The following TBC1D8 variants were observed in gnomAD, a reference collection of about 807,000 sequenced individuals.
The protein encoded by TBC1D8 is BUB2-like protein 1.
In TBC1D8, 65 loss-of-function variants were observed where a neutral mutation model predicts 118.8. The observed-to-expected ratio is 0.55, with a 90% confidence interval of 0.45 to 0.67. TBC1D8 has a LOEUF of 0.67. Among genes scored for constraint, TBC1D8 ranks in the 30% least tolerant of loss-of-function variants. The pLI is 0.00. For synonymous variants in TBC1D8, 566 were observed against 595.8 expected, an observed-to-expected ratio of 0.95 and a Z score of 0.73; for missense variants, 1,376 against 1,471.2, an observed-to-expected ratio of 0.94 and a Z score of 1.06.
chr2:101,091,262 G>A (rs954987018), intron 1 of TBC1D8, among the ~76,000 whole-genome samples: 23 of 152,148 alleles, frequency 1.5e-4, no homozygotes, highest in African/African-American at 5.1e-4. Flanking sequence ...TCCAGCCTGG[G>A]CAACAAGAGC....
intron 1 of TBC1D8, among the ~76,000 whole-genome samples, chr2:101,108,968 C>T (rs1677406080): frequency 6.6e-6 from 1 of 152,076 alleles, no homozygotes; most frequent in Non-Finnish European, 1.5e-5. Context: ...ATACCAGAAC[C>T]CTCTGTACTG....
At chr2:101,062,305 GAA>G (rs372972020) in intron 2 of TBC1D8, among the ~76,000 whole-genome samples, 2 of 139,972 alleles carry the variant, frequency 1.4e-5, no homozygotes. Context: ...TCAGAATAAA[GAA>G]AAAAAAAAAA....
At chr2:101,032,154 C>A in intron 11 of TBC1D8, 114 bp downstream of exon 11, 3 of 959,708 alleles carry the variant, frequency 3.1e-6, no homozygotes, top group South Asian at 3.2e-5. Flanking sequence ...TGTTTGCAAA[C>A]AGACTAGCTG....
chr2:101,027,216 C>G (rs762441062), intron 15 of TBC1D8, among the ~76,000 whole-genome samples, 167 bp downstream of exon 15: 4 of 152,164 alleles, frequency 2.6e-5, no homozygotes, highest in Non-Finnish European at 5.9e-5. Flanking sequence ...AGAGAGGTTT[C>G]TGGGTAGAAG....
chr2:101,105,023 C>G (rs1677106332), intron 1 of TBC1D8, among the ~76,000 whole-genome samples: 2 of 85,422 alleles, frequency 2.3e-5, no homozygotes, highest in East Asian at 5.6e-4. Context: ...AAAACTCTAT[C>G]TCAAAAAAAA....
intron 1 of TBC1D8, among the ~76,000 whole-genome samples, chr2:101,102,768 C>T (rs12619608): frequency 0.13 from 19,825 of 151,642 alleles, 1,627 homozygotes; most frequent in East Asian, 0.27. Flanking sequence ...ACAGGCCAGG[C>T]ACAATGGCTC....
chr2:101,109,965 T>C (rs6709184), intron 1 of TBC1D8: 748,373 of 985,398 alleles, frequency 0.76, 285,188 homozygotes, highest in East Asian at 0.92. Flanking sequence ...CCTGCTTTCC[T>C]TTCCGCAGCA....
chr2:101,044,345 G>A (rs1681570575), intron 5 of TBC1D8, among the ~76,000 whole-genome samples: 1 of 152,194 alleles, frequency 6.6e-6, no homozygotes, highest in African/African-American at 2.4e-5. Context: ...GAAAAAATGA[G>A]AAATCCTCGA....
chr2:101,123,184 C>T lies in TBC1D8; in HGVS notation c.127+27943G>A, dbSNP rs184066801. ...CCTAGGAATTCCAGTCCACAGTGAGCTATGGTCACCACTGCACTCCAGCCT... is the reference window on the plus strand; with the variant it reads ...CCTAGGAATTCCAGTCCACAGTGAGTTATGGTCACCACTGCACTCCAGCCT... On this transcript the variant is annotated intron_variant, in intron 1 of 19. Transcript: ENST00000409318. Among the ~76,000 whole-genome samples, 3 of 152,224 alleles carry T rather than the reference C, an allele frequency of 2.0e-5. No homozygotes were observed. The East Asian group carries it at 5.8e-4, about 29-fold the overall frequency.
intron 15 of TBC1D8, chr2:101,024,180 A>C (rs1680203188): frequency 6.6e-6 from 1 of 152,244 alleles, no homozygotes; most frequent in African/African-American, 2.4e-5. Context: ...ACCACTATAA[A>C]AATAGGCAAA....
rs1041558628 is a variant in TBC1D8 at position 101,146,840 on chromosome 2, A to G, written c.127+4287T>C. 3.9e-5 allele frequency among the ~76,000 whole-genome samples: 6 copies of G among 152,186 alleles called. No homozygotes were observed. In the East Asian group the frequency reaches 9.6e-4, roughly 24 times the overall value. On this transcript the variant is annotated intron_variant, in intron 1 of 19. Coordinates refer to ENST00000409318, the MANE Select transcript of TBC1D8 (RefSeq NM_001330348.2). Reference sequence around the variant, plus strand: ...TTCTCCTATCTAACTGTAACTCTGTACCTGTTGACCAACCTCTCCCTATCC... The same window carrying G: ...TTCTCCTATCTAACTGTAACTCTGTGCCTGTTGACCAACCTCTCCCTATCC...
chr2:101,031,445 A>G (rs1021774977), intron 11 of TBC1D8, among the ~76,000 whole-genome samples: 1 of 151,958 alleles, frequency 6.6e-6, no homozygotes, highest in Admixed American at 6.6e-5. Flanking sequence ...TTGCTCCTAT[A>G]TCCACTCGGT....
Position 101,022,692 on chromosome 2 carries a change from C to A in TBC1D8, c.2521-171G>T, listed in dbSNP as rs147459785. On this transcript the variant is annotated intron_variant, in intron 15 of 19. Coordinates refer to ENST00000409318, the MANE Select transcript of TBC1D8 (RefSeq NM_001330348.2). ...TACCCACATGAACATGTAATTTTCA[C>A]GTTGGTTTTTTTATTAAGGTTTTTT... Among the ~76,000 whole-genome samples the A allele has an allele frequency of 1.8e-4, 27 of 152,306 alleles. No individual in the cohort carries two copies. The East Asian group carries it at 4.2e-3, about 24-fold the overall frequency.
chr2:101,106,561 A>T (rs1677229880), intron 1 of TBC1D8, among the ~76,000 whole-genome samples: 2 of 152,234 alleles, frequency 1.3e-5, no homozygotes, highest in Non-Finnish European at 2.9e-5. Context: ...ACAGGACTCC[A>T]TGGGCCACAG....
intron 1 of TBC1D8, among the ~76,000 whole-genome samples, chr2:101,130,258 G>T (rs1434977640): frequency 6.6e-6 from 1 of 152,236 alleles, no homozygotes; most frequent in African/African-American, 2.4e-5. Flanking sequence ...AGCCGAGGAG[G>T]CCTGGAAGCG....
At chr2:101,091,427 A>G (rs1286049261) in intron 1 of TBC1D8, among the ~76,000 whole-genome samples, 1 of 151,878 alleles carries the variant, frequency 6.6e-6, no homozygotes, top group East Asian at 1.9e-4. Context: ...AACAAAACAA[A>G]CAAAAAAGGC....
At chr2:101,125,977 T>G (rs1678334808) in intron 1 of TBC1D8, among the ~76,000 whole-genome samples, 1 of 152,148 alleles carries the variant, frequency 6.6e-6, no homozygotes, top group Non-Finnish European at 1.5e-5. Flanking sequence ...CTTAGTCCAT[T>G]TGTGTTGCTA....
Position 101,050,943 on chromosome 2 carries a change from G to T in TBC1D8, c.632-302C>A, listed in dbSNP as rs116815016. The stretch of plus-strand genomic sequence containing the variant: ...CACCCTCAAATGGGTGCCTATGTCA[G>T]TTCTTCCCCTGTATGTGTCCATGGG... On this transcript the variant is annotated intron_variant, in intron 4 of 19. Coordinates refer to ENST00000409318, the MANE Select transcript of TBC1D8 (RefSeq NM_001330348.2). Among the ~76,000 whole-genome samples the T allele has an allele frequency of 5.0e-3, 763 of 152,246 alleles. 4 individuals carry two copies. The highest frequency in any genetic ancestry group is 9.4e-3 in the Non-Finnish European group (642 of 68,020).
intron 3 of TBC1D8, among the ~76,000 whole-genome samples, chr2:101,054,672 CTTTTTTT>C (rs34465252): frequency 2.0e-4 from 5 of 25,436 alleles, no homozygotes; most frequent in African/African-American, 2.8e-4. Flanking sequence ...CTTTTCTTTT[CTTTTTTT>C]TTTTTTTTTT....
Sources: gnomAD v4.1 joint callset for allele counts (sites outside exome capture counted in the v4.1 genomes callset) on GRCh38, gnomAD v4.1.1 for gene constraint, MANE v1.5 for transcripts, NCBI Gene and HGNC (gene_info 2026-07-23, HGNC 2026-07-21) for gene names.